The following REEP3 variants were observed in gnomAD, a reference collection of about 807,000 sequenced individuals.
The protein encoded by REEP3 is receptor expression-enhancing protein 3.
In REEP3, 20 loss-of-function variants were observed where a neutral mutation model predicts 41.3. The ratio of observed to expected loss-of-function variants is 0.48; its 90% CI spans 0.34 to 0.70. The LOEUF is 0.70. Ranked by LOEUF, REEP3 falls within the 30% of genes least tolerant of loss-of-function variation. The probability of loss-of-function intolerance (pLI) is 0.01; values close to 1 mark genes in which losing one functional copy is unlikely to be tolerated. For synonymous variants in REEP3, 104 were observed against 101.8 expected (o/e 1.02, Z -0.13); for missense variants, 271 against 308.8 (o/e 0.88, Z 0.92).
chr10:63,542,724 T>C (rs951986674), intron 1 of REEP3, among the ~76,000 whole-genome samples: 1 of 152,180 alleles, frequency 6.6e-6, no homozygotes, highest in Non-Finnish European at 1.5e-5. Flanking sequence ...AAAAATAAGC[T>C]TCTGGAATTT....
chr10:63,564,247 G>C (rs1029561742), intron 1 of REEP3, among the ~76,000 whole-genome samples: 2 of 152,080 alleles, frequency 1.3e-5, no homozygotes, highest in Non-Finnish European at 2.9e-5. Flanking sequence ...GAAAACAACA[G>C]AAAACAAATA....
At chr10:63,607,222 T>TC (rs1312274025) in intron 5 of REEP3, among the ~76,000 whole-genome samples, 2 of 152,204 alleles carry the variant, frequency 1.3e-5, no homozygotes, top group Non-Finnish European at 2.9e-5. Flanking sequence ...CAGTGGAAAG[T>TC]CCAATTTTCC....
chr10:63,619,918 AT>A (rs71463534), intron 7 of REEP3, 118 bp downstream of exon 7: 58,031 of 249,276 alleles, frequency 0.23, 807 homozygotes, highest in Non-Finnish European at 0.26. Context: ...CAGCAGTTTG[AT>A]TTTTTTTTTT....
chr10:63,531,130 G>A (rs1197334178), intron 1 of REEP3, among the ~76,000 whole-genome samples: 3 of 152,166 alleles, frequency 2.0e-5, no homozygotes, highest in African/African-American at 7.2e-5. Flanking sequence ...CTAAAACACT[G>A]TGAACAGGGA....
intron 6 of REEP3, 70 bp from the exon 7 acceptor site, chr10:63,619,581 CACAG>C: frequency 7.4e-7 from 1 of 1,356,468 alleles, no homozygotes; most frequent in Non-Finnish European, 1.0e-6. Flanking sequence ...AAGAACTGTA[CACAG>C]ATGGGTCAAA....
chr10:63,586,251 T>C (rs1373565005), intron 2 of REEP3, among the ~76,000 whole-genome samples: 2 of 152,208 alleles, frequency 1.3e-5, no homozygotes, highest in African/African-American at 4.8e-5. Context: ...TAAGTCTTTA[T>C]AAAAGCCTTA....
In REEP3 at chr10:63,622,410, A is replaced by G. The variant is rs974899303; in HGVS notation, c.*1541A>G. On this transcript the variant is annotated 3_prime_UTR_variant, in exon 8 of 8. Transcript: ENST00000373758. ...ACATTCTTCATATATAACAAGTAAA[A>G]TTAATTCAGTTTTCTTCTCCCAACG... The G allele has an allele frequency of 2.0e-5, 3 of 152,212 alleles. No homozygotes were observed. The highest frequency in any genetic ancestry group is 7.2e-5 in the African/African-American group (3 of 41,454). 9.4% of individuals were successfully genotyped at this position (152,212 alleles called of 1,614,324 possible).
intron 5 of REEP3, among the ~76,000 whole-genome samples, chr10:63,609,256 T>A (rs965035680): frequency 6.7e-6 from 1 of 148,530 alleles, no homozygotes; most frequent in Non-Finnish European, 1.5e-5. Context: ...ATCGAGACCA[T>A]CCTGGCTAAC....
Position 63,597,932 on chromosome 10 carries a change from A to G in REEP3, c.183-92A>G, listed in dbSNP as rs555332848. 3.2e-4 allele frequency: 350 copies of G among 1,109,122 alleles called. 1 individual carries two copies. The highest frequency in any genetic ancestry group is 4.3e-4 in the Non-Finnish European group (338 of 785,082). The allele number at this position is 1,109,122 out of a possible 1,614,324, so 68.7% of individuals were successfully genotyped here. A position where few individuals can be genotyped will look rare whatever the true frequency, so the allele number is the denominator to read the frequency against. ...CAAAAAAAAAAAAACAAAAAACAGCATAGTGACTGAACTTTTTAAAAGGTG... is the reference window on the plus strand; with the variant it reads ...CAAAAAAAAAAAAACAAAAAACAGCGTAGTGACTGAACTTTTTAAAAGGTG... On this transcript the variant is annotated intron_variant, in intron 3 of 7. Transcript: ENST00000373758.
chr10:63,610,072 T>A, intron 5 of REEP3, 115 bp from the exon 6 acceptor site: 1 of 852,772 alleles, frequency 1.2e-6, no homozygotes, highest in Admixed American at 2.8e-5. Flanking sequence ...TATTGGGTGT[T>A]CATTGTACAA....
rs540777639 is a variant in REEP3, at chr10:63,622,551, G to A, written c.*1682G>A. On this transcript the variant is annotated 3_prime_UTR_variant, in exon 8 of 8. Transcript: ENST00000373758. ...ATTCTAATTGTAAATTATCGGAACA[G>A]AGTTTTATTTATATGACCTGGTACT... is the stretch of plus-strand genomic sequence containing the variant. 6.6e-6 allele frequency: 1 copy of A among 152,140 alleles called. No homozygotes were observed. Among genetic ancestry groups the A allele is most frequent in the African/African-American group, 2.4e-5 (1 of 41,496 alleles). The allele number at this position is 152,140 out of a possible 1,614,324, so 9.4% of individuals were successfully genotyped here. A position where few individuals can be genotyped will look rare whatever the true frequency, so the allele number is the denominator to read the frequency against.
Position 63,623,755 on chromosome 10 carries a change from ATGTG to A in REEP3, c.*2926_*2929del, listed in dbSNP as rs57254958. The A allele has an allele frequency of 0.033, 4,681 of 142,384 alleles. 140 individuals are homozygous for A. Among genetic ancestry groups the A allele is most frequent in the East Asian group, 0.2 (970 of 4,898 alleles). 8.8% of individuals were successfully genotyped at this position (142,384 alleles called of 1,614,324 possible). On this transcript the variant is annotated 3_prime_UTR_variant, in exon 8 of 8. Transcript: ENST00000373758. Reference sequence around the variant, plus strand: ...CCCCCTCACATACTTCACAATATATATGTGTGTGTGTGTGTGTGTGTGTGTGTGT... The same window carrying A: ...CCCCCTCACATACTTCACAATATATATGTGTGTGTGTGTGTGTGTGTGTGT...
chr10:63,598,548 G>A (rs1314454221), intron 4 of REEP3, among the ~76,000 whole-genome samples: 5 of 149,512 alleles, frequency 3.3e-5, no homozygotes, highest in African/African-American at 7.4e-5. Flanking sequence ...ACTTTGGGAC[G>A]CCGAGGTGGG....
chr10:63,576,434 T>C (rs1955899206), intron 2 of REEP3, among the ~76,000 whole-genome samples: 1 of 152,208 alleles, frequency 6.6e-6, no homozygotes, highest in Non-Finnish European at 1.5e-5. Context: ...TAGCTGCTGA[T>C]TGTTGCCAGC....
intron 1 of REEP3, among the ~76,000 whole-genome samples, chr10:63,529,391 T>A (rs1955397741): frequency 6.6e-6 from 1 of 152,178 alleles, no homozygotes; most frequent in South Asian, 2.1e-4. Flanking sequence ...ATTGGATACC[T>A]TAACAAATAT....
intron 2 of REEP3, among the ~76,000 whole-genome samples, chr10:63,574,973 C>T (rs557794042): frequency 6.8e-6 from 1 of 147,888 alleles, no homozygotes; most frequent in Admixed American, 6.9e-5. Flanking sequence ...TCTCCTGCCT[C>T]AGTCTCCCAA....
chr10:63,548,750 A>G (rs748067764), intron 1 of REEP3, among the ~76,000 whole-genome samples: 3 of 152,180 alleles, frequency 2.0e-5, no homozygotes, highest in Non-Finnish European at 4.4e-5. Flanking sequence ...TAGCTAAAAT[A>G]TTTATTTAAT....
chr10:63,538,351 T>C (rs1229717772), intron 1 of REEP3, among the ~76,000 whole-genome samples: 5 of 152,240 alleles, frequency 3.3e-5, no homozygotes, highest in Non-Finnish European at 5.9e-5. Flanking sequence ...GTTCTAAACC[T>C]ATCAGTGGGA....
rs536649628 is a variant in REEP3 at position 63,618,553 on chromosome 10, T to C, written c.566-1102T>C. On this transcript the variant is annotated intron_variant, in intron 6 of 7. Coordinates refer to ENST00000373758, the MANE Select transcript of REEP3 (RefSeq NM_001001330.3). The stretch of plus-strand genomic sequence containing the variant: ...TGAGCCACCATGCCCGGCCTCTTCA[T>C]GGGGATTTCTAATCTCACCCCTTTC... Among the ~76,000 whole-genome samples, 238 of 152,302 alleles carry C rather than the reference T, an allele frequency of 1.6e-3. 2 individuals are homozygous for C. Among genetic ancestry groups the C allele is most frequent in the African/African-American group, 5.6e-3 (231 of 41,578 alleles).
Sources: allele counts gnomAD v4.1 joint callset (sites outside exome capture counted in the v4.1 genomes callset), GRCh38; gene constraint gnomAD v4.1.1; transcripts MANE v1.5; gene names NCBI Gene and HGNC (gene_info 2026-07-23, HGNC 2026-07-21).